Variants in MICAL2 observed in about 807,000 individuals in gnomAD.
MICAL2 encodes the protein [F-actin]-monooxygenase MICAL2.
Under a neutral mutation model 127.3 loss-of-function variants are expected in MICAL2, and 77 were observed. The ratio of observed to expected loss-of-function variants is 0.60; its 90% confidence interval spans 0.50 to 0.73. MICAL2 has a LOEUF of 0.73. MICAL2 is among the 30% of genes least tolerant of loss of function. MICAL2 has a pLI of 0.00. For missense variants in MICAL2, 1,351 were observed against 1,434.4 expected, an observed-to-expected ratio of 0.94 and a Z score of 0.94; for synonymous variants, 570 against 551.1, an observed-to-expected ratio of 1.03 and a Z score of -0.48.
At chr11:12,224,930 T>A in intron 13 of MICAL2, 110 bp downstream of exon 13, 10 of 1,345,128 alleles carry the variant, frequency 7.4e-6, no homozygotes, top group Non-Finnish European at 1.0e-5. Flanking sequence ...GTGTTTCAAT[T>A]TGAGATTTTT....
chr11:12,300,533 T>C (rs1864035359), intron 29 of MICAL2, among the ~76,000 whole-genome samples: 1 of 152,176 alleles, frequency 6.6e-6, no homozygotes, highest in South Asian at 2.1e-4. Context: ...ATGGTCCTCC[T>C]GGGCTTGAAG....
intron 22 of MICAL2, chr11:12,254,338 CAG>C (rs1862001740): frequency 6.6e-6 from 1 of 152,232 alleles, no homozygotes; most frequent in Non-Finnish European, 1.5e-5. Flanking sequence ...GAACTGAGCT[CAG>C]AAGTTCTGTG....
At chr11:12,228,156 C>T (rs1162373033) in intron 15 of MICAL2, among the ~76,000 whole-genome samples, 1 of 152,168 alleles carries the variant, frequency 6.6e-6, no homozygotes, top group African/African-American at 2.4e-5. Context: ...TGATGAAACC[C>T]CGTATCTACT....
intron 3 of MICAL2, among the ~76,000 whole-genome samples, chr11:12,202,524 G>A (rs747510856): frequency 6.6e-6 from 1 of 152,206 alleles, no homozygotes; most frequent in Non-Finnish European, 1.5e-5. Context: ...CACAGTAAGT[G>A]TTCAACAAAT....
upstream of MICAL2, among the ~76,000 whole-genome samples, chr11:12,271,470 C>T (rs1023584214): frequency 6.6e-6 from 1 of 152,208 alleles, no homozygotes; most frequent in Non-Finnish European, 1.5e-5. Context: ...GGAGGCCCAG[C>T]TGCGGTGATA....
intron 26 of MICAL2, chr11:12,262,117 C>A (rs545272655): frequency 4.4e-6 from 5 of 1,144,272 alleles, no homozygotes; most frequent in East Asian, 6.1e-5. Context: ...GATGTTGAAC[C>A]TTTCTGGTGG....
chr11:12,310,935 A>G (rs756938416), intron 29 of MICAL2, among the ~76,000 whole-genome samples: 7 of 151,942 alleles, frequency 4.6e-5, no homozygotes, highest in African/African-American at 1.2e-4. Context: ...GTTTGTAGCT[A>G]TTATAAATGG....
chr11:12,115,154 C>T (rs539200694), intron 1 of MICAL2, among the ~76,000 whole-genome samples: 51 of 152,336 alleles, frequency 3.3e-4, no homozygotes, highest in African/African-American at 1.1e-3. Context: ...TGGGGCAGGT[C>T]GTGATGGAAA....
chr11:12,273,469 C>G (rs148949587), upstream of MICAL2, among the ~76,000 whole-genome samples: 1 of 151,822 alleles, frequency 6.6e-6, no homozygotes, highest in Non-Finnish European at 1.5e-5. Context: ...AGTGTAGACA[C>G]GTGCACACAG....
intron 29 of MICAL2, among the ~76,000 whole-genome samples, chr11:12,316,266 G>A (rs1273706780): frequency 1.3e-5 from 2 of 151,842 alleles, no homozygotes; most frequent in Non-Finnish European, 2.9e-5. Flanking sequence ...TATATATTTA[G>A]TGAAAATGTT....
Position 12,354,833 on chromosome 11 carries a change from CTG to C in MICAL2, c.5666_5667del (p.Leu1889GlnfsTer13). 1.2e-6 allele frequency: 2 copies of C among 1,613,988 alleles called. No individual in the cohort carries two copies. The highest frequency in any genetic ancestry group is 1.7e-5 in the Admixed American group (1 of 60,000). Reference sequence around the variant, plus strand: ...TCATCAAAGCAGACTGGAGCAGAAACTGAGAGAGAAAATGCTCAAGGAGGGTG... The same window carrying C: ...TCATCAAAGCAGACTGGAGCAGAAACAGAGAGAAAATGCTCAAGGAGGGTG... On this transcript the variant is annotated frameshift_variant, in exon 34 of 35. Coordinates refer to the MICAL2 transcript ENST00000646065. LOFTEE classifies it high-confidence loss of function.
chr11:12,361,551 C>T (rs765507117), downstream of MICAL2, among the ~76,000 whole-genome samples: 1 of 152,210 alleles, frequency 6.6e-6, no homozygotes, highest in Non-Finnish European at 1.5e-5. Flanking sequence ...ATTTCTAAAA[C>T]TGTGAAAAAT....
At chr11:12,169,851 G>C (rs776325536) in intron 3 of MICAL2, among the ~76,000 whole-genome samples, 3 of 152,230 alleles carry the variant, frequency 2.0e-5, no homozygotes, top group Non-Finnish European at 1.5e-5. Context: ...CCTCCCTGGA[G>C]TGGATACTCC....
At chr11:12,299,612 T>C (rs1164254194) in intron 29 of MICAL2, among the ~76,000 whole-genome samples, 1 of 152,240 alleles carries the variant, frequency 6.6e-6, no homozygotes, top group African/African-American at 2.4e-5. Context: ...CTAGTTATCA[T>C]TCTTGTGTAT....
At chr11:12,209,378 C>G in intron 5 of MICAL2, 119 bp from the exon 6 acceptor site, 1 of 802,926 alleles carries the variant, frequency 1.2e-6, no homozygotes, top group Non-Finnish European at 2.2e-6. Flanking sequence ...CCTGGAGGCT[C>G]TCTCTGTGAT....
chr11:12,222,873 G>A (rs1856986166), intron 11 of MICAL2, 130 bp downstream of exon 11: 1 of 1,158,724 alleles, frequency 8.6e-7, no homozygotes, highest in Admixed American at 2.5e-5. Context: ...CTGGCCTAAT[G>A]GTGGGACCAG....
chr11:12,249,151 C>T (rs1434369241), intron 21 of MICAL2, 33 bp from the exon 22 acceptor site: 2 of 1,611,368 alleles, frequency 1.2e-6, no homozygotes, highest in Middle Eastern at 1.6e-4. Flanking sequence ...GCTTATTTAC[C>T]TAAAATGCAT....
chr11:12,226,033 G>T (rs1590461031), intron 13 of MICAL2, 138 bp from the exon 14 acceptor site: 4 of 751,888 alleles, frequency 5.3e-6, no homozygotes, highest in Middle Eastern at 7.6e-4. Context: ...TAGGGGCTGG[G>T]GTCACTATTC....
intron 32 of MICAL2, among the ~76,000 whole-genome samples, chr11:12,338,868 C>T (rs973935448): frequency 6.6e-6 from 1 of 152,198 alleles, no homozygotes; most frequent in Non-Finnish European, 1.5e-5. Context: ...CCTGACCTTT[C>T]TCTCTGGCTG....
Sources: gnomAD v4.1 joint callset for allele counts (sites outside exome capture counted in the v4.1 genomes callset) on GRCh38, gnomAD v4.1.1 for gene constraint, MANE v1.5 for transcripts, NCBI Gene and HGNC (gene_info 2026-07-23, HGNC 2026-07-21) for gene names.